The following QTRT1 variants were observed in gnomAD, a reference collection of about 807,000 sequenced individuals.
The protein encoded by QTRT1 is TGT, 43-KD subunit.
In QTRT1, 41 loss-of-function variants were observed where a neutral mutation model predicts 44.0. The observed-to-expected ratio is 0.93, with a 90% CI of 0.73 to 1.21. The LOEUF is 1.21. QTRT1 is among the 50% of genes most tolerant of loss of function. The pLI, the probability that QTRT1 is intolerant of heterozygous loss-of-function variation, is 0.00. For synonymous variants in QTRT1, 226 were observed against 237.1 expected, an observed-to-expected ratio of 0.95 and a Z score of 0.43; for missense variants, 542 against 575.8, an observed-to-expected ratio of 0.94 and a Z score of 0.60.
intron 5 of QTRT1, among the ~76,000 whole-genome samples, chr19:10,710,847 C>T (rs1002176744): frequency 6.0e-5 from 9 of 148,946 alleles, no homozygotes; most frequent in Admixed American, 2.7e-4. Flanking sequence ...CACTTGAACC[C>T]GGGAGGCGAG....
Position 10,702,185 on chromosome 19 carries a change from C to A in QTRT1, c.382C>A (p.Arg128Ser), listed in dbSNP as rs761483374. The change falls in exon 3 of 10, where the codon CGC becomes AGC. Residue 128 changes from arginine (R) to serine (S), a missense_variant. Physicochemically the swap from Arg to Ser is moderately radical, Grantham distance 110. Coordinates refer to ENST00000250237, the MANE Select transcript of QTRT1 (RefSeq NM_031209.3). ...GGTGACGGAGGAGGGCGTCCGCTTCCGCTCCCCCTACGACGGCAATGAGAC... is the reference window on the plus strand; with the variant it reads ...GGTGACGGAGGAGGGCGTCCGCTTCAGCTCCCCCTACGACGGCAATGAGAC... ...SEVTEEGVRF[R>S]SPYDGNETLL... 6.2e-7 allele frequency: 1 copy of A among 1,613,988 alleles called. No homozygotes were observed. The highest frequency in any genetic ancestry group is 1.7e-5 in the Admixed American group (1 of 59,972).
At position 10,712,037 on chromosome 19, in the gene QTRT1, GTC is replaced by G. The variant is rs2068740773; in HGVS notation, c.647-120_647-119del. On this transcript the variant is annotated intron_variant, in intron 5 of 9. Coordinates refer to ENST00000250237, the MANE Select transcript of QTRT1 (RefSeq NM_031209.3). This position sits in a 1 kb window ranked among gnomAD's most constrained non-coding sequence, Gnocchi z 5.6. ...TCTCCGTCTCTGGCTCTGTCTGTCT[GTC>G]TCTGTCTGTTTCTCTGACTCTCTCC... The G allele has an allele frequency of 8.1e-7, 1 of 1,229,736 alleles. No homozygotes were observed. Among genetic ancestry groups the G allele is most frequent in the African/African-American group, 1.5e-5 (1 of 67,600 alleles). 76.2% of individuals were successfully genotyped at this position (1,229,736 alleles called of 1,614,324 possible).
At chr19:10,707,683 G>A (rs1268327803) in intron 5 of QTRT1, 68 bp downstream of exon 5, 1 of 1,185,180 alleles carries the variant, frequency 8.4e-7, no homozygotes, top group African/African-American at 1.5e-5. Context: ...CCTGGCGTAT[G>A]GCGGGACTGG....
intron 5 of QTRT1, chr19:10,711,958 T>TAGAC (rs1599396692): frequency 1.5e-6 from 1 of 648,710 alleles, no homozygotes; most frequent in Non-Finnish European, 2.7e-6. Context: ...TCCCAGCCCC[T>TAGAC]AGACAGACAG....
chr19:10,707,594 C>A lies in QTRT1; in HGVS notation c.625C>A (p.Leu209Ile), dbSNP rs753860412. Reference protein sequence around the residue: ...AIIQGGLDADLRATCLEEMTK... With the variant: ...AIIQGGLDADIRATCLEEMTK... ...TATCCAGGGTGGGCTGGACGCAGAT[C>A]TCCGGGCCACCTGCCTTGAAGGTAG... The change falls in exon 5 of 10, where the codon CTC becomes ATC. Residue 209 changes from leucine (L) to isoleucine (I), a missense_variant. Leu to Ile is a conservative substitution (Grantham distance 5). Coordinates refer to ENST00000250237, the MANE Select transcript of QTRT1 (RefSeq NM_031209.3). 5.6e-6 allele frequency: 9 copies of A among 1,607,192 alleles called. No individual in the cohort carries two copies. Among genetic ancestry groups the A allele is most frequent in the Non-Finnish European group, 6.8e-6 (8 of 1,176,930 alleles).
At chr19:10,705,428 G>C (rs193045815) in intron 3 of QTRT1, among the ~76,000 whole-genome samples, 1 of 150,998 alleles carries the variant, frequency 6.6e-6, no homozygotes, top group South Asian at 2.1e-4. Context: ...TAGTAGAGAC[G>C]GGGTTTCACC....
intron 5 of QTRT1, chr19:10,709,388 T>G (rs1479442965): frequency 6.6e-5 from 10 of 152,166 alleles, no homozygotes; most frequent in Admixed American, 6.6e-4. Flanking sequence ...TTGAGACCAG[T>G]CTGGGTGACA....
At chr19:10,711,803 C>T (rs756034271) in intron 5 of QTRT1, 3 of 363,502 alleles carry the variant, frequency 8.3e-6, no homozygotes, top group Non-Finnish European at 1.5e-5. Context: ...ACTGTTCTCA[C>T]ATCTGGAAAA....
chr19:10,701,732 C>A, intron 1 of QTRT1, 29 bp downstream of exon 1: 1 of 1,551,838 alleles, frequency 6.4e-7, no homozygotes, highest in Non-Finnish European at 8.7e-7. Context: ...CGCGGGGAGG[C>A]GGCGAGGCGG....
intron 5 of QTRT1, among the ~76,000 whole-genome samples, chr19:10,708,278 G>GAGACA (rs1340908153): frequency 6.6e-6 from 1 of 151,866 alleles, no homozygotes; most frequent in African/African-American, 2.4e-5. Flanking sequence ...ATTTATTTTT[G>GAGACA]AGACACGGTC....
chr19:10,710,973 C>G (rs2068736400), intron 5 of QTRT1: 1 of 151,526 alleles, frequency 6.6e-6, no homozygotes, highest in Admixed American at 6.6e-5. Context: ...GCAGAACGTG[C>G]AAGTTTGTTA....
intron 1 of QTRT1, 114 bp downstream of exon 1, chr19:10,701,817 G>A (rs1470822334): frequency 6.4e-7 from 1 of 1,573,516 alleles, no homozygotes; most frequent in Non-Finnish European, 8.7e-7. Context: ...GCTGTATTGA[G>A]CGCCCCCAAT....
Position 10,701,545 on chromosome 19 carries a change from C to G in QTRT1, c.85C>G (p.Arg29Gly). ...GGCCGAATGCAGCCGCTCCAGGGCC[C>G]GGGCAGGCGAGCTGTGGCTGCCGCA... ...LVAECSRSRA[R>G]AGELWLPHGT... Residue 29 changes from arginine to glycine, a missense_variant, in exon 1 of 10, where the codon CGG (arginine) becomes GGG (glycine). Arg to Gly is a moderately radical substitution (Grantham distance 125). Coordinates refer to ENST00000250237, the MANE Select transcript of QTRT1 (RefSeq NM_031209.3). The G allele has an allele frequency of 1.2e-6, 2 of 1,602,966 alleles. No individual in the cohort carries two copies. The highest frequency in any genetic ancestry group is 1.7e-6 in the Non-Finnish European group (2 of 1,174,240).
Position 10,712,909 on chromosome 19 carries a change from G to T in QTRT1, c.971+42G>T. The T allele has an allele frequency of 6.2e-7, 1 of 1,612,702 alleles. No individual in the cohort carries two copies. The highest frequency in any genetic ancestry group is 1.3e-5 in the African/African-American group (1 of 75,020). ...TGGGAGCTGGGGCAGGGCATGGAGG[G>T]GACAGGGCCTGGCCGTGCTGAGCTG... On this transcript the variant is annotated intron_variant, in intron 8 of 9. Coordinates refer to ENST00000250237, the MANE Select transcript of QTRT1 (RefSeq NM_031209.3). This position sits in a 1 kb window ranked among gnomAD's most constrained non-coding sequence, Gnocchi z 5.6.
chr19:10,701,929 C>T, intron 1 of QTRT1, 21 bp from the exon 2 acceptor site: 1 of 1,613,940 alleles, frequency 6.2e-7, no homozygotes, highest in Non-Finnish European at 8.5e-7. Context: ...CCTAACCTGA[C>T]ACTTTCTTCC....
At chr19:10,709,060 T>C in intron 5 of QTRT1, 1 of 152,258 alleles carries the variant, frequency 6.6e-6, no homozygotes. Context: ...CCACTGCACC[T>C]GGCCAACACC....
intron 3 of QTRT1, among the ~76,000 whole-genome samples, chr19:10,704,450 C>CGTAA (rs2068703519): frequency 6.7e-6 from 1 of 148,878 alleles, no homozygotes; most frequent in Non-Finnish European, 1.5e-5. Flanking sequence ...CCCGCCATTA[C>CGTAA]GCCCAGCTAA....
chr19:10,706,214 T>TG (rs1243782567), intron 3 of QTRT1, among the ~76,000 whole-genome samples: 1 of 151,980 alleles, frequency 6.6e-6, no homozygotes, highest in African/African-American at 2.4e-5. Context: ...ATAATGGAGA[T>TG]GGGGTCTCTC....
intron 3 of QTRT1, among the ~76,000 whole-genome samples, chr19:10,706,375 CTT>C (rs1275519860): frequency 1.3e-5 from 2 of 151,800 alleles, no homozygotes; most frequent in African/African-American, 4.8e-5. Flanking sequence ...AATCTTAGCA[CTT>C]TTGTTTTGTT....
Sources: gnomAD v4.1 joint callset for allele counts (sites outside exome capture counted in the v4.1 genomes callset) on GRCh38, gnomAD v4.1.1 for gene constraint, Gnocchi (gnomAD v3.1) non-coding constraint, MANE v1.5 for transcripts, NCBI Gene and HGNC (gene_info 2026-07-23, HGNC 2026-07-21) for gene names.